Variants in PCM1 observed in about 807,000 individuals in gnomAD.
The protein encoded by PCM1 is pericentriolar material 1.
A neutral mutation model predicts 241.9 loss-of-function variants in PCM1; 157 were observed. The ratio of observed to expected loss-of-function variants is 0.65; its 90% CI spans 0.57 to 0.74. The LOEUF (loss-of-function observed/expected upper bound fraction) is 0.74. Ranked by LOEUF, PCM1 falls within the 30% of genes least tolerant of loss-of-function variation. The pLI is 0.00. For synonymous variants in PCM1, 1,085 were observed against 784.9 expected (o/e 1.38, Z -6.39); for missense variants, 3,478 against 2,360.1 (o/e 1.47, Z -9.81).
intron 29 of PCM1, among the ~76,000 whole-genome samples, chr8:18,000,183 A>T (rs183739117): frequency 6.6e-6 from 1 of 152,214 alleles, no homozygotes; most frequent in Non-Finnish European, 1.5e-5. Context: ...ACTGGCCTTA[A>T]GGTGAGAATT....
In PCM1 at chr8:17,942,957, A is replaced by T. The variant is rs150587506; in HGVS notation, c.783+3096A>T. ...GGTTGCAGCGAGCCGAGATCCTGCC[A>T]CTGTACTCCAGCTTGGGTGACAGAA... On this transcript the variant is annotated intron_variant, in intron 6 of 38. Transcript: ENST00000325083. Among the ~76,000 whole-genome samples, 1,122 of 151,096 alleles carry T rather than the reference A, an allele frequency of 7.4e-3. 10 individuals are homozygous for T. The highest frequency in any genetic ancestry group is 0.026 in the African/African-American group (1,079 of 41,100).
chr8:18,023,799 G>A (rs1274827982), intron 36 of PCM1, among the ~76,000 whole-genome samples: 6 of 152,178 alleles, frequency 3.9e-5, no homozygotes, highest in South Asian at 2.1e-4. Context: ...CCACTCACAC[G>A]TCAGATGATT....
At chr8:17,972,251 T>C in intron 22 of PCM1, 78 bp from the exon 23 acceptor site, 1 of 761,934 alleles carries the variant, frequency 1.3e-6, no homozygotes, top group Middle Eastern at 3.3e-4. Context: ...TCTACTCGAG[T>C]AGACTATAAA....
intron 22 of PCM1, among the ~76,000 whole-genome samples, chr8:17,971,397 G>C (rs370756666): frequency 9.2e-5 from 14 of 152,206 alleles, no homozygotes; most frequent in African/African-American, 3.4e-4. Context: ...AAGCACATTG[G>C]CATATTAAAA....
intron 32 of PCM1, 142 bp downstream of exon 32, chr8:18,010,810 G>C: frequency 1.7e-6 from 1 of 582,936 alleles, no homozygotes; most frequent in East Asian, 3.2e-5. Flanking sequence ...GTGAAACCCC[G>C]TCCATACTAA....
rs772407040 is a variant in PCM1, at chr8:17,980,756, G to T, written c.4108+1G>T. The T allele has an allele frequency of 6.3e-7, 1 of 1,599,888 alleles. No individual in the cohort carries two copies. The highest frequency in any genetic ancestry group is 8.5e-7 in the Non-Finnish European group (1 of 1,174,894). ...AATAGGTCTACAGAAATATCTTCAG[G>T]TATGTTCTTTTTTGGTTTGCATTAA... is the stretch of plus-strand genomic sequence containing the variant. On this transcript the variant is annotated splice_donor_variant, in intron 24 of 38. Coordinates refer to ENST00000325083, the MANE Select transcript of PCM1 (RefSeq NM_006197.4). LOFTEE classifies it high-confidence loss of function.
intron 36 of PCM1, among the ~76,000 whole-genome samples, chr8:18,019,940 A>G (rs766438134): frequency 2.0e-5 from 3 of 152,130 alleles, no homozygotes; most frequent in Non-Finnish European, 4.4e-5. Flanking sequence ...TAGGCCCACA[A>G]CTAAGGCAGT....
In PCM1 at chr8:17,969,643, G is replaced by A; in HGVS notation, c.3479G>A (p.Ser1160Asn). The change falls in exon 22 of 39, where the codon AGT (serine) becomes AAT (asparagine). Residue 1160 changes from serine to asparagine, a missense_variant. Physicochemically the swap from Ser to Asn is conservative, Grantham distance 46. Coordinates refer to ENST00000325083, the MANE Select transcript of PCM1 (RefSeq NM_006197.4). The stretch of plus-strand genomic sequence containing the variant: ...TTTTCTCAGAATATCTCTACACCCA[G>A]TGAACAGCAGCAACCCTTAGCCCAG... ...GDFSQNISTP[S>N]EQQQPLAQNS... 6.2e-7 allele frequency: 1 copy of A among 1,612,594 alleles called. No homozygotes were observed. Among genetic ancestry groups the A allele is most frequent in the Non-Finnish European group, 8.5e-7 (1 of 1,178,986 alleles).
chr8:17,985,579 A>G lies in PCM1; in HGVS notation c.4241A>G (p.Asn1414Ser), dbSNP rs377484178. The change falls in exon 25 of 39, where the codon AAC (asparagine) becomes AGC (serine). Residue 1414 changes from asparagine (N) to serine (S), a missense_variant. Asn to Ser is a conservative substitution (Grantham distance 46). Transcript: ENST00000325083. The part of the protein sequence containing the change: ...IELFHELQLL[N>S]TDYLRQRALY... ...CTCTTCCATGAGCTGCAGCTACTAA[A>G]CACAGACTACTTGAGACAGAGGGCT... 6.2e-6 allele frequency: 10 copies of G among 1,607,802 alleles called. No individual in the cohort carries two copies. Among genetic ancestry groups the G allele is most frequent in the Admixed American group, 1.7e-5 (1 of 59,308 alleles).
In PCM1 at chr8:18,014,095, TAAA is replaced by T. The variant is rs71545505; in HGVS notation, c.5584+73_5584+75del. The T allele has an allele frequency of 1.5e-3, 922 of 612,132 alleles. 2 individuals are homozygous for T. Among genetic ancestry groups the T allele is most frequent in the South Asian group, 3.8e-3 (151 of 39,964 alleles). The allele number at this position is 612,132 out of a possible 1,614,324, so 37.9% of individuals were successfully genotyped here. A position where few individuals can be genotyped will look rare whatever the true frequency, so the allele number is the denominator to read the frequency against. On this transcript the variant is annotated intron_variant, in intron 35 of 38. Transcript: ENST00000325083. Reference sequence around the variant, plus strand: ...TAATTTCCTTTATTTGCTTTAAAGCTAAAAAAAAAAAAAAAACACACACAGAAA... The same window carrying T: ...TAATTTCCTTTATTTGCTTTAAAGCTAAAAAAAAAAAAACACACACAGAAA...
intron 5 of PCM1, 45 bp from the exon 6 acceptor site, chr8:17,939,646 T>G (rs764077860): frequency 4.4e-6 from 5 of 1,145,656 alleles, no homozygotes; most frequent in Non-Finnish European, 6.1e-6. Flanking sequence ...GTTTTATATA[T>G]TGTGTACTTT....
Position 18,027,657 on chromosome 8 carries a change from A to T in PCM1, c.6070A>T (p.Ile2024Leu). The T allele has an allele frequency of 6.3e-7, 1 of 1,589,316 alleles. No individual in the cohort carries two copies. The highest frequency in any genetic ancestry group is 8.6e-7 in the Non-Finnish European group (1 of 1,162,578). The change falls in exon 39 of 39, where the codon ATA (isoleucine) becomes TTA (leucine). Residue 2024 changes from isoleucine to leucine, a missense_variant. Transcript: ENST00000325083. ...KEPETVGAQS[I>L] ...TTCAGAAACGGTGGGAGCCCAGAGT[A>T]TATGAGATGTCTTCAGAGGCTCATC...
At chr8:17,935,148 C>G (rs1436716406) in intron 2 of PCM1, among the ~76,000 whole-genome samples, 1 of 152,204 alleles carries the variant, frequency 6.6e-6, no homozygotes, top group Non-Finnish European at 1.5e-5. Context: ...GTTCTCCCGT[C>G]TTTGACTCTT....
At position 18,025,596 on chromosome 8, in the gene PCM1, G is replaced by T; in HGVS notation, c.5987G>T (p.Gly1996Val). 1.3e-6 allele frequency: 2 copies of T among 1,583,570 alleles called. No individual in the cohort carries two copies. Among genetic ancestry groups the T allele is most frequent in the Non-Finnish European group, 1.7e-6 (2 of 1,164,008 alleles). Residue 1996 changes from glycine (G) to valine (V), a missense_variant, in exon 38 of 39, where the codon GGT (glycine) becomes GTT (valine). Physicochemically the swap from Gly to Val is moderately radical, Grantham distance 109. Coordinates refer to ENST00000325083, the MANE Select transcript of PCM1 (RefSeq NM_006197.4). ...VEEEQKNHLS[G>V]EICEMQTEEL... is the part of the protein sequence containing the mutation. ...GAAGAACAGAAAAACCATTTATCTGGTGAAATATGTGAAATGCAGACCGAA... is the reference window on the plus strand; with the variant it reads ...GAAGAACAGAAAAACCATTTATCTGTTGAAATATGTGAAATGCAGACCGAA...
At chr8:18,011,081 C>T (rs900890933) in intron 32 of PCM1, among the ~76,000 whole-genome samples, 156 bp from the exon 33 acceptor site, 38 of 152,118 alleles carry the variant, frequency 2.5e-4, no homozygotes, top group Non-Finnish European at 4.3e-4. Context: ...GACCTTTTTC[C>T]TGACACTTTT....
Position 17,972,449 on chromosome 8 carries a change from T to C in PCM1, c.3705T>C (p.Ser1235=), listed in dbSNP as rs1381523989. 1 of 1,613,252 alleles carries C rather than the reference T, an allele frequency of 6.2e-7. No individual in the cohort carries two copies. Among genetic ancestry groups the C allele is most frequent in the African/African-American group, 1.3e-5 (1 of 74,882 alleles). ...KTGFSVSVEK[S]TSSNRKNQLD... ...GATTTTCAGTGTCTGTAGAAAAATC[T>C]ACAAGTAGTAACCGCAAAAATCAAT... The change falls in exon 23 of 39, where the codon TCT becomes TCC. Residue 1235 remains serine (S), a synonymous_variant. Coordinates refer to ENST00000325083, the MANE Select transcript of PCM1 (RefSeq NM_006197.4).
intron 2 of PCM1, chr8:17,925,969 A>G (rs535130204): frequency 1.2e-4 from 19 of 152,048 alleles, no homozygotes; most frequent in Admixed American, 2.6e-4. Context: ...TAGGTAGTTG[A>G]TGTATATCTT....
chr8:17,970,380 G>C (rs1047338652), intron 22 of PCM1, among the ~76,000 whole-genome samples: 2 of 150,808 alleles, frequency 1.3e-5, no homozygotes, highest in South Asian at 2.1e-4. Context: ...AAGGTCTCAG[G>C]CTCTTATATT....
In PCM1 at chr8:17,964,476, G is replaced by A. The variant is rs543653015; in HGVS notation, c.2655-92G>A. 118 of 887,692 alleles carry A rather than the reference G, an allele frequency of 1.3e-4. 2 individuals are homozygous for A. In the South Asian group the frequency reaches 2.0e-3, roughly 15 times the overall value. The allele number at this position is 887,692 out of a possible 1,614,324, so 55.0% of individuals were successfully genotyped here. ...AAATTTTATATACAGACATGTATAT[G>A]TATGTTTGAAACAATGTCTGGCACA... On this transcript the variant is annotated intron_variant, in intron 17 of 38. Transcript: ENST00000325083.
Sources: allele counts gnomAD v4.1 joint callset (sites outside exome capture counted in the v4.1 genomes callset), GRCh38; gene constraint gnomAD v4.1.1; transcripts MANE v1.5; gene names NCBI Gene and HGNC (gene_info 2026-07-23, HGNC 2026-07-21).